SORCS3: variants seen among roughly 807,000 people sequenced by gnomAD.
The protein encoded by SORCS3 is VPS10 domain-containing receptor SorCS3.
In SORCS3, 57 loss-of-function variants were observed where a neutral mutation model predicts 146.3. The observed-to-expected ratio is 0.39, with a 90% confidence interval of 0.31 to 0.49. The LOEUF is 0.49. Ranked by LOEUF, SORCS3 falls within the 20% of genes least tolerant of loss-of-function variation. The probability of loss-of-function intolerance (pLI) is 0.92; values close to 1 mark genes in which losing one functional copy is unlikely to be tolerated. For missense variants in SORCS3, 1,341 were observed against 1,575.5 expected (o/e 0.85, Z 2.52); for synonymous variants, 653 against 618.5 (o/e 1.06, Z -0.83).
At chr10:105,041,584 G>A (rs913482301) in intron 4 of SORCS3, among the ~76,000 whole-genome samples, 2 of 151,212 alleles carry the variant, frequency 1.3e-5, no homozygotes, top group Non-Finnish European at 1.5e-5. Flanking sequence ...TTATGGCTCC[G>A]TTGTTCAATA....
Position 105,168,888 on chromosome 10 carries a change from G to A in SORCS3, c.1901+1539G>A, listed in dbSNP as rs764401589. Among the ~76,000 whole-genome samples, 5 of 152,128 alleles carry A rather than the reference G, an allele frequency of 3.3e-5. No individual in the cohort carries two copies. The South Asian group carries it at 6.2e-4, about 19-fold the overall frequency. ...AGATGCATGGAGCCATTTGTAAGAG[G>A]AGCGCTCTCCCACCTCAAGGATGAG... On this transcript the variant is annotated intron_variant, in intron 13 of 26. Coordinates refer to ENST00000369701, the MANE Select transcript of SORCS3 (RefSeq NM_014978.3).
intron 1 of SORCS3, 68 bp downstream of exon 1, chr10:104,642,022 G>GGGGGGGGGGGGCGCCCCC: frequency 5.8e-6 from 1 of 173,336 alleles, no homozygotes; most frequent in Non-Finnish European, 1.1e-5. Flanking sequence ...GGGTGGGTGG[G>GGGGGGGGGGGGCGCCCCC]AGCGAGGGAC....
At chr10:104,779,042 G>A (rs1371490235) in intron 1 of SORCS3, among the ~76,000 whole-genome samples, 1 of 152,196 alleles carries the variant, frequency 6.6e-6, no homozygotes. Flanking sequence ...GATGAGAGGA[G>A]ACAGAAGATT....
At chr10:105,045,546 A>G (rs1416732368) in intron 5 of SORCS3, among the ~76,000 whole-genome samples, 3 of 152,108 alleles carry the variant, frequency 2.0e-5, no homozygotes, top group African/African-American at 4.8e-5. Context: ...TAATCCAAAG[A>G]CAGAATTCAG....
At chr10:105,023,613 T>A (rs2055210431) in intron 4 of SORCS3, among the ~76,000 whole-genome samples, 1 of 152,176 alleles carries the variant, frequency 6.6e-6, no homozygotes, top group Non-Finnish European at 1.5e-5. Context: ...CATGCCATCT[T>A]GGCAATTCTG....
intron 4 of SORCS3, among the ~76,000 whole-genome samples, chr10:105,011,165 A>G (rs570791005): frequency 4.6e-5 from 7 of 152,298 alleles, no homozygotes; most frequent in African/African-American, 1.7e-4. Context: ...TGCCTGTTAC[A>G]ATATTTTATC....
At chr10:105,195,100 C>G (rs922782499) in intron 14 of SORCS3, among the ~76,000 whole-genome samples, 3 of 152,124 alleles carry the variant, frequency 2.0e-5, no homozygotes, top group Non-Finnish European at 4.4e-5. Flanking sequence ...TAATGATGCT[C>G]CATGCCTTTG....
At chr10:105,157,740 C>CT (rs1490733806) in intron 10 of SORCS3, among the ~76,000 whole-genome samples, 2 of 152,086 alleles carry the variant, frequency 1.3e-5, no homozygotes, top group African/African-American at 4.8e-5. Context: ...TTCCAGGATT[C>CT]CTGTTGTATG....
chr10:104,776,321 C>G (rs1318918752), intron 1 of SORCS3, among the ~76,000 whole-genome samples: 1 of 151,966 alleles, frequency 6.6e-6, no homozygotes, highest in African/African-American at 2.4e-5. Flanking sequence ...CTAAAGCTCC[C>G]CAAGGTTGGG....
chr10:104,746,095 G>T (rs1168625789), intron 1 of SORCS3, among the ~76,000 whole-genome samples: 1 of 150,234 alleles, frequency 6.7e-6, no homozygotes. Context: ...AATAATAATT[G>T]TATATATTTA....
At chr10:104,799,667 C>T (rs1210661676) in intron 1 of SORCS3, among the ~76,000 whole-genome samples, 1 of 150,790 alleles carries the variant, frequency 6.6e-6, no homozygotes, top group Admixed American at 6.6e-5. Flanking sequence ...ACGTTCTGCA[C>T]ATGTAACCCA....
chr10:105,036,844 A>T (rs187949469), intron 4 of SORCS3, among the ~76,000 whole-genome samples: 2 of 152,280 alleles, frequency 1.3e-5, no homozygotes, highest in East Asian at 3.9e-4. Context: ...GCCTCATTTT[A>T]TTTGAAAGAC....
At chr10:105,230,872 G>A (rs2056761854) in intron 20 of SORCS3, among the ~76,000 whole-genome samples, 1 of 152,172 alleles carries the variant, frequency 6.6e-6, no homozygotes. Flanking sequence ...GGGATGTGTG[G>A]AACTCAGTGT....
chr10:104,998,004 T>C (rs1160931532), intron 4 of SORCS3, among the ~76,000 whole-genome samples: 2 of 152,144 alleles, frequency 1.3e-5, no homozygotes, highest in East Asian at 1.9e-4. Flanking sequence ...GGCAGAATGC[T>C]GAATGTTGGA....
chr10:104,969,723 T>C (rs1046378994), intron 3 of SORCS3, among the ~76,000 whole-genome samples: 1 of 152,186 alleles, frequency 6.6e-6, no homozygotes, highest in Non-Finnish European at 1.5e-5. Flanking sequence ...CTTTATTATA[T>C]ATAAATTTCT....
At chr10:105,186,539 T>G (rs2056477719) in intron 14 of SORCS3, among the ~76,000 whole-genome samples, 1 of 152,158 alleles carries the variant, frequency 6.6e-6, no homozygotes, top group Non-Finnish European at 1.5e-5. Flanking sequence ...TTTAATGACA[T>G]AAGAAAACAC....
chr10:104,840,942 A>G (rs1010842586), intron 1 of SORCS3, among the ~76,000 whole-genome samples: 3 of 151,834 alleles, frequency 2.0e-5, no homozygotes, highest in Non-Finnish European at 2.9e-5. Flanking sequence ...TACTTTTTCC[A>G]GAATTTGGCA....
intron 3 of SORCS3, among the ~76,000 whole-genome samples, chr10:104,943,681 T>C (rs1818543284): frequency 6.6e-6 from 1 of 152,156 alleles, no homozygotes; most frequent in Admixed American, 6.5e-5. Flanking sequence ...CAATGGAAAT[T>C]CTAATGGACT....
At chr10:104,985,751 A>G (rs1196647314) in intron 4 of SORCS3, among the ~76,000 whole-genome samples, 1 of 152,226 alleles carries the variant, frequency 6.6e-6, no homozygotes, top group African/African-American at 2.4e-5. Context: ...GTAAATCTCC[A>G]TCAGAGCTCT....
Sources: gnomAD v4.1 joint callset for allele counts (sites outside exome capture counted in the v4.1 genomes callset) on GRCh38, gnomAD v4.1.1 for gene constraint, MANE v1.5 for transcripts, NCBI Gene and HGNC (gene_info 2026-07-23, HGNC 2026-07-21) for gene names.